The following NKIRAS1 variants were observed in gnomAD, a reference collection of about 807,000 sequenced individuals.
NKIRAS1 encodes NFKB inhibitor interacting Ras like 1, also known as NF-kappa-B inhibitor-interacting Ras-like protein 1.
In NKIRAS1, 16 loss-of-function variants were observed where a neutral mutation model predicts 19.8. The ratio of observed to expected loss-of-function variants is 0.81; its 90% CI spans 0.55 to 1.23. The LOEUF is 1.23. NKIRAS1 is among the 50% of genes most tolerant of loss of function. The pLI, the probability that NKIRAS1 is intolerant of heterozygous loss-of-function variation, is 0.00. For synonymous variants in NKIRAS1, 88 were observed against 79.0 expected, an observed-to-expected ratio of 1.11 and a Z score of -0.61; for missense variants, 184 against 220.0, an observed-to-expected ratio of 0.84 and a Z score of 1.04.
At chr3:23,906,463 A>G (rs1177642633) in intron 3 of NKIRAS1, among the ~76,000 whole-genome samples, 1 of 152,122 alleles carries the variant, frequency 6.6e-6, no homozygotes, top group Non-Finnish European at 1.5e-5. Flanking sequence ...CCCTTAAACA[A>G]CACAGATTTG....
intron 1 of NKIRAS1, among the ~76,000 whole-genome samples, chr3:23,913,318 A>G (rs1395562765): frequency 6.6e-6 from 1 of 152,168 alleles, no homozygotes; most frequent in African/African-American, 2.4e-5. Context: ...ATTTTTTGGA[A>G]GGAAAGCAAA....
Sources: allele counts gnomAD v4.1 joint callset (sites outside exome capture counted in the v4.1 genomes callset), GRCh38; gene constraint gnomAD v4.1.1; transcripts MANE v1.5; gene names NCBI Gene and HGNC (gene_info 2026-07-23, HGNC 2026-07-21).